Variants in ITCH observed in about 807,000 individuals in gnomAD.
ITCH encodes itchy E3 ubiquitin protein ligase, also known as E3 ubiquitin-protein ligase Itchy homolog.
Under a neutral mutation model 126.8 loss-of-function variants are expected in ITCH, and 28 were observed. The ratio of observed to expected loss-of-function variants is 0.22; its 90% CI spans 0.16 to 0.30. The LOEUF is 0.30. ITCH is among the 10% of genes least tolerant of loss of function. The pLI, the probability that ITCH is intolerant of heterozygous loss-of-function variation, is 1.00. For missense variants in ITCH, 631 were observed against 1,032.4 expected, an observed-to-expected ratio of 0.61 and a Z score of 5.33; for synonymous variants, 342 against 340.0, an observed-to-expected ratio of 1.01 and a Z score of -0.06.
intron 12 of ITCH, among the ~76,000 whole-genome samples, chr20:34,453,486 A>G (rs967429033): frequency 2.0e-5 from 3 of 152,064 alleles, no homozygotes; most frequent in East Asian, 3.9e-4. Context: ...AGTTCCAGCT[A>G]CTTGGGTGGC....
At chr20:34,382,487 A>T (rs547955521) in intron 2 of ITCH, among the ~76,000 whole-genome samples, 1 of 151,888 alleles carries the variant, frequency 6.6e-6, no homozygotes, top group Non-Finnish European at 1.5e-5. Flanking sequence ...GCATACTGCA[A>T]CCTCTGCCTC....
intron 2 of ITCH, among the ~76,000 whole-genome samples, chr20:34,387,619 C>CAA (rs771355212): frequency 9.2e-5 from 8 of 86,692 alleles, no homozygotes; most frequent in African/African-American, 2.1e-4. Context: ...GACCCTGTCT[C>CAA]AAAAAAAAAA....
At chr20:34,369,747 C>T (rs2037548945) in intron 2 of ITCH, among the ~76,000 whole-genome samples, 2 of 152,072 alleles carry the variant, frequency 1.3e-5, no homozygotes, top group South Asian at 4.1e-4. Flanking sequence ...GTTTTATACA[C>T]GTTTATCTCT....
At chr20:34,432,770 A>G (rs536383444) in intron 7 of ITCH, among the ~76,000 whole-genome samples, 6 of 151,944 alleles carry the variant, frequency 3.9e-5, no homozygotes, top group African/African-American at 1.4e-4. Context: ...AGCCTGGGTG[A>G]CATGGCGAAA....
chr20:34,425,983 G>A (rs764454437), intron 7 of ITCH, among the ~76,000 whole-genome samples: 12 of 152,188 alleles, frequency 7.9e-5, no homozygotes, highest in Non-Finnish European at 1.5e-4. Flanking sequence ...GGAGGGGCAG[G>A]CCCCCTTCAT....
At chr20:34,502,410 T>A (rs6120665) in intron 23 of ITCH, among the ~76,000 whole-genome samples, 4,986 of 150,968 alleles carry the variant, frequency 0.033, 241 homozygotes, top group African/African-American at 0.1. Context: ...AAAAAAAAAA[T>A]TTATAAAAAA....
intron 13 of ITCH, among the ~76,000 whole-genome samples, chr20:34,461,449 G>A (rs1378273357): frequency 2.0e-5 from 3 of 151,924 alleles, no homozygotes; most frequent in Non-Finnish European, 4.4e-5. Flanking sequence ...AGTGGCTCAC[G>A]CCTGTAATTC....
At chr20:34,411,554 A>T (rs1363030545) in intron 4 of ITCH, among the ~76,000 whole-genome samples, 1 of 152,182 alleles carries the variant, frequency 6.6e-6, no homozygotes, top group Non-Finnish European at 1.5e-5. Context: ...TAAGAAGAGG[A>T]GCAGTGTGGA....
rs1201441436 is a variant in ITCH at position 34,492,609 on chromosome 20, G to A, written c.2416+12G>A. On this transcript the variant is annotated intron_variant, in intron 23 of 24. Coordinates refer to ENST00000374864, the MANE Select transcript of ITCH (RefSeq NM_031483.7). ...TGCTGATCTCATGGGTATGTATACA[G>A]GATCACTTTTCCTATACAGAAAATT... The A allele has an allele frequency of 4.5e-6, 7 of 1,550,496 alleles. No homozygotes were observed.
rs111563838 is a variant in ITCH, at chr20:34,371,472, C to T, written c.-22+2002C>T. 7.3e-3 allele frequency among the ~76,000 whole-genome samples: 1,103 copies of T among 151,458 alleles called. 14 individuals carry two copies. Among genetic ancestry groups the T allele is most frequent in the African/African-American group, 0.025 (1,050 of 41,312 alleles). On this transcript the variant is annotated intron_variant, in intron 2 of 24. Transcript: ENST00000374864. ...GCTAATTTTGTATTTTCAGTAGAGA[C>T]GGGGTTTCACCACATTGGCCAGGCT...
intron 16 of ITCH, chr20:34,476,138 A>C: frequency 5.9e-6 from 5 of 841,536 alleles, no homozygotes; most frequent in Admixed American, 1.7e-5. Context: ...TGACAGGTTA[A>C]ACAAGCCAGA....
intron 11 of ITCH, 66 bp downstream of exon 11, chr20:34,445,527 C>G: frequency 6.7e-7 from 1 of 1,501,914 alleles, no homozygotes; most frequent in Non-Finnish European, 9.3e-7. Flanking sequence ...CAGCATATGT[C>G]ATGGAAAGCA....
intron 1 of ITCH, among the ~76,000 whole-genome samples, chr20:34,368,402 T>TAAGACAA (rs2037497639): frequency 6.7e-6 from 1 of 148,596 alleles, no homozygotes; most frequent in African/African-American, 2.5e-5. Context: ...TTATAAGAAT[T>TAAGACAA]AAGACAAAAG....
chr20:34,391,264 CGTACTTG>C (rs1282360120), intron 2 of ITCH, among the ~76,000 whole-genome samples: 1 of 152,152 alleles, frequency 6.6e-6, no homozygotes, highest in African/African-American at 2.4e-5. Context: ...CCTATGACCA[CGTACTTG>C]AGTACACAGG....
intron 16 of ITCH, among the ~76,000 whole-genome samples, chr20:34,472,261 G>A (rs1242720958): frequency 6.6e-6 from 1 of 150,776 alleles, no homozygotes; most frequent in Non-Finnish European, 1.5e-5. Context: ...CTGTAATCCT[G>A]TAAAGCTACT....
intron 12 of ITCH, among the ~76,000 whole-genome samples, chr20:34,451,826 G>A (rs1985283797): frequency 6.6e-6 from 1 of 152,084 alleles, no homozygotes; most frequent in Non-Finnish European, 1.5e-5. Context: ...TCAGCGCTTT[G>A]GGAGGCTGAA....
intron 23 of ITCH, among the ~76,000 whole-genome samples, chr20:34,495,316 T>TACACAC (rs1555885679): frequency 0.096 from 12,633 of 131,492 alleles, 722 homozygotes; most frequent in Non-Finnish European, 0.12. Context: ...TATATATATA[T>TACACAC]ACACACGCAC....
At chr20:34,480,408 G>A (rs997268527) in intron 18 of ITCH, among the ~76,000 whole-genome samples, 191 bp from the exon 19 acceptor site, 4 of 151,782 alleles carry the variant, frequency 2.6e-5, no homozygotes, top group Admixed American at 2.6e-4. Flanking sequence ...CTCCATGTTG[G>A]TCAGTCTGGT....
At chr20:34,411,345 G>C (rs1979007679) in intron 4 of ITCH, among the ~76,000 whole-genome samples, 1 of 151,984 alleles carries the variant, frequency 6.6e-6, no homozygotes, top group Admixed American at 6.6e-5. Context: ...GTAGAGACGG[G>C]GTTTCACCAT....
Sources: gnomAD v4.1 joint callset for allele counts (sites outside exome capture counted in the v4.1 genomes callset) on GRCh38, gnomAD v4.1.1 for gene constraint, MANE v1.5 for transcripts, NCBI Gene and HGNC (gene_info 2026-07-23, HGNC 2026-07-21) for gene names.